Variants in INPP4B observed in about 807,000 individuals in gnomAD.
The protein encoded by INPP4B is inositol polyphosphate-4-phosphatase type II B.
In INPP4B, 55 loss-of-function variants were observed where a neutral mutation model predicts 122.5. That is an observed-to-expected ratio of 0.45 (90% CI 0.36 to 0.56). INPP4B has a LOEUF of 0.56. INPP4B is among the 20% of genes least tolerant of loss of function. The pLI is 0.00. For missense variants in INPP4B, 1,000 were observed against 1,097.7 expected, an observed-to-expected ratio of 0.91 and a Z score of 1.26; for synonymous variants, 403 against 388.7, an observed-to-expected ratio of 1.04 and a Z score of -0.43.
intron 2 of INPP4B, among the ~76,000 whole-genome samples, chr4:142,586,673 G>A (rs1736276268): frequency 1.3e-5 from 2 of 152,148 alleles, no homozygotes; most frequent in African/African-American, 2.4e-5. Flanking sequence ...TAAGGAAGAA[G>A]TTTCAGTATT....
chr4:142,086,328 T>C lies in INPP4B; in HGVS notation c.2375-72A>G, dbSNP rs568365540. On this transcript the variant is annotated intron_variant, in intron 23 of 25. Transcript: ENST00000262992. ...ACATTAAGCTGCCCATGGAGGTTTT[T>C]TCAATACATTTATTTGCAAACACAA... The C allele has an allele frequency of 4.7e-5, 38 of 802,292 alleles. 1 individual carries two copies. The highest frequency in any genetic ancestry group is 6.9e-5 in the African/African-American group (4 of 58,022). The allele number at this position is 802,292 out of a possible 1,614,324, so 49.7% of individuals were successfully genotyped here. A position where few individuals can be genotyped will look rare whatever the true frequency, so the allele number is the denominator to read the frequency against.
chr4:142,540,332 G>T lies in INPP4B; in HGVS notation c.-190-77606C>A, dbSNP rs181544254. ...TATGAAAAGGAGGAAGTTTTTTGGG[G>T]TTTTTTTTTTTCACCCAGGCTCAAT... On this transcript the variant is annotated intron_variant, in intron 2 of 25. Coordinates refer to ENST00000262992, the MANE Select transcript of INPP4B (RefSeq NM_001101669.3). Among the ~76,000 whole-genome samples the T allele has an allele frequency of 7.9e-3, 1,156 of 145,954 alleles. 4 individuals carry two copies. The highest frequency in any genetic ancestry group is 0.012 in the Admixed American group (170 of 14,612).
rs78921501 is a variant in INPP4B at position 142,403,071 on chromosome 4, A to G, written c.256-17T>C. The G allele has an allele frequency of 7.4e-4, 1,046 of 1,410,244 alleles. 5 individuals carry two copies. The African/African-American group carries it at 0.013, about 18-fold the overall frequency. 87.4% of individuals were successfully genotyped at this position (1,410,244 alleles called of 1,614,324 possible). ...CCTTGTTCCCTGTAACAGCACAAGC[A>G]GACAACTTTGATTCAATAAGGCAGC... On this transcript the variant is annotated splice_polypyrimidine_tract_variant and intron_variant, in intron 6 of 25. Transcript: ENST00000262992.
chr4:142,259,483 C>T (rs1046708204), intron 11 of INPP4B, among the ~76,000 whole-genome samples: 22 of 151,190 alleles, frequency 1.5e-4, no homozygotes, highest in Admixed American at 4.6e-4. Flanking sequence ...GTATTTTGTA[C>T]TCTTTCTAGG....
intron 2 of INPP4B, among the ~76,000 whole-genome samples, chr4:142,717,931 G>T (rs1474665799): frequency 1.4e-5 from 2 of 146,558 alleles, no homozygotes; most frequent in Non-Finnish European, 3.0e-5. Flanking sequence ...AAAAAGAATT[G>T]CCCCTTGTAC....
At chr4:142,155,357 A>G (rs188115128) in intron 17 of INPP4B, among the ~76,000 whole-genome samples, 30 of 152,258 alleles carry the variant, frequency 2.0e-4, no homozygotes, top group Admixed American at 1.9e-3. Context: ...CTGTAGACGT[A>G]ATGTTTTCTA....
intron 25 of INPP4B, among the ~76,000 whole-genome samples, chr4:142,065,444 T>A (rs1238687500): frequency 6.6e-6 from 1 of 152,100 alleles, no homozygotes; most frequent in Non-Finnish European, 1.5e-5. Context: ...ATGCCCCTGT[T>A]TTGTTGTAGG....
chr4:142,468,033 C>T (rs1818129697), intron 2 of INPP4B: 1 of 152,138 alleles, frequency 6.6e-6, no homozygotes, highest in Non-Finnish European at 1.5e-5. Flanking sequence ...AGCAGATTTC[C>T]AGTACTATGC....
chr4:142,672,584 T>A (rs1757166697), intron 2 of INPP4B, among the ~76,000 whole-genome samples: 1 of 152,180 alleles, frequency 6.6e-6, no homozygotes, highest in Non-Finnish European at 1.5e-5. Context: ...TTTAAATATG[T>A]TTCTTTATAT....
chr4:142,523,349 G>A (rs1164314235), intron 2 of INPP4B, among the ~76,000 whole-genome samples: 2 of 152,112 alleles, frequency 1.3e-5, no homozygotes, highest in African/African-American at 2.4e-5. Flanking sequence ...AGGTGATGCT[G>A]AGACACAAGG....
chr4:142,691,810 TG>T (rs199757703), intron 2 of INPP4B, among the ~76,000 whole-genome samples: 1 of 151,920 alleles, frequency 6.6e-6, no homozygotes, highest in Admixed American at 6.6e-5. Flanking sequence ...ATCAAAAACG[TG>T]GGGGGGACAA....
At chr4:142,335,115 A>T (rs898314008) in intron 7 of INPP4B, among the ~76,000 whole-genome samples, 5 of 148,928 alleles carry the variant, frequency 3.4e-5, no homozygotes, top group African/African-American at 1.3e-4. Flanking sequence ...AATGAAAAAA[A>T]AAAAAAAAAA....
At chr4:142,033,113 G>T (rs1042825742) in intron 25 of INPP4B, among the ~76,000 whole-genome samples, 1 of 152,160 alleles carries the variant, frequency 6.6e-6, no homozygotes, top group East Asian at 1.9e-4. Flanking sequence ...GCTCATCTGA[G>T]GGCCATGTGG....
chr4:142,310,584 A>G (rs1483154231), intron 8 of INPP4B, among the ~76,000 whole-genome samples: 1 of 152,134 alleles, frequency 6.6e-6, no homozygotes, highest in African/African-American at 2.4e-5. Flanking sequence ...TAAGTTTTAA[A>G]AGGTCTCTGA....
At chr4:142,433,990 C>T (rs1809882681) in intron 3 of INPP4B, among the ~76,000 whole-genome samples, 1 of 152,026 alleles carries the variant, frequency 6.6e-6, no homozygotes, top group Non-Finnish European at 1.5e-5. Context: ...TGTCAGATTT[C>T]TTAGTGATTA....
intron 2 of INPP4B, among the ~76,000 whole-genome samples, chr4:142,517,177 C>T (rs1825517914): frequency 6.6e-6 from 1 of 151,900 alleles, no homozygotes; most frequent in Non-Finnish European, 1.5e-5. Context: ...GTTCCTTGCT[C>T]CCACAACAAG....
At chr4:142,730,515 T>C (rs1422763517) in intron 1 of INPP4B, among the ~76,000 whole-genome samples, 1 of 152,226 alleles carries the variant, frequency 6.6e-6, no homozygotes, top group African/African-American at 2.4e-5. Context: ...TTCCTTCTAC[T>C]TGTGGTTCAG....
At chr4:142,828,676 A>G (rs934088700) in intron 1 of INPP4B, among the ~76,000 whole-genome samples, 1 of 152,222 alleles carries the variant, frequency 6.6e-6, no homozygotes, top group Non-Finnish European at 1.5e-5. Context: ...AAAACAAGCC[A>G]TAGTGAGCAA....
At chr4:142,447,688 C>A (rs1431569237) in intron 3 of INPP4B, among the ~76,000 whole-genome samples, 1 of 152,034 alleles carries the variant, frequency 6.6e-6, no homozygotes, top group Admixed American at 6.6e-5. Context: ...TCTGGAGGAC[C>A]AGGAGTTTGA....
Sources: gnomAD v4.1 joint callset for allele counts (sites outside exome capture counted in the v4.1 genomes callset) on GRCh38, gnomAD v4.1.1 for gene constraint, MANE v1.5 for transcripts, NCBI Gene and HGNC (gene_info 2026-07-23, HGNC 2026-07-21) for gene names.